TMEM163: variants seen among roughly 807,000 people sequenced by gnomAD.
TMEM163 encodes transmembrane protein 163.
A neutral mutation model predicts 29.3 loss-of-function variants in TMEM163; 17 were observed. That is an observed-to-expected ratio of 0.58 (90% CI 0.40 to 0.87). The LOEUF (loss-of-function observed/expected upper bound fraction) is 0.87, where lower values mean the gene tolerates loss of function less well. Ranked by LOEUF, TMEM163 falls within the 40% of genes least tolerant of loss-of-function variation. The pLI is 0.00. For synonymous variants in TMEM163, 157 were observed against 160.6 expected (o/e 0.98, Z 0.17); for missense variants, 303 against 381.5 (o/e 0.79, Z 1.71).
chr2:134,716,154 C>T (rs1685033742), intron 1 of TMEM163, among the ~76,000 whole-genome samples: 1 of 152,128 alleles, frequency 6.6e-6, no homozygotes, highest in African/African-American at 2.4e-5. Context: ...CTAAGCTGGG[C>T]CCTAAGGTTA....
At chr2:134,491,866 C>T (rs570947911) in intron 5 of TMEM163, among the ~76,000 whole-genome samples, 2 of 152,278 alleles carry the variant, frequency 1.3e-5, no homozygotes, top group African/African-American at 4.8e-5. Flanking sequence ...GAAAAGAGGA[C>T]CAATCAGAGA....
chr2:134,537,943 A>AC (rs1680577282), intron 4 of TMEM163, among the ~76,000 whole-genome samples: 1 of 152,230 alleles, frequency 6.6e-6, no homozygotes, highest in South Asian at 2.1e-4. Flanking sequence ...AATGGCTGGA[A>AC]CCAAAAAGAC....
chr2:134,502,207 T>C (rs1463753964), intron 5 of TMEM163, among the ~76,000 whole-genome samples: 1 of 152,232 alleles, frequency 6.6e-6, no homozygotes, highest in Non-Finnish European at 1.5e-5. Flanking sequence ...AGATTTTGCA[T>C]TCAAATTTCC....
At chr2:134,513,861 G>C (rs113543990) in intron 4 of TMEM163, among the ~76,000 whole-genome samples, 1 of 152,232 alleles carries the variant, frequency 6.6e-6, no homozygotes, top group South Asian at 2.1e-4. Flanking sequence ...TGAAAGCCAA[G>C]ATGATTCGTC....
At chr2:134,508,185 A>G (rs1192979929) in intron 4 of TMEM163, among the ~76,000 whole-genome samples, 5 of 152,186 alleles carry the variant, frequency 3.3e-5, no homozygotes, top group African/African-American at 9.7e-5. Flanking sequence ...TAGCCTACCA[A>G]TTCTAGGTTA....
rs149704413 is a variant in TMEM163, at chr2:134,625,354, C to T, written c.323-73263G>A. On this transcript the variant is annotated intron_variant, in intron 2 of 7. Transcript: ENST00000281924. ...TAAACAAAAGAGTATGTCCCCTAAC[C>T]CCACCACCTAGTCAGCCACTGGCCT... is the stretch of plus-strand genomic sequence containing the variant. Among the ~76,000 whole-genome samples, 1,413 of 152,038 alleles carry T rather than the reference C, an allele frequency of 9.3e-3. 29 individuals carry two copies. The highest frequency in any genetic ancestry group is 0.032 in the African/African-American group (1,319 of 41,316).
intron 2 of TMEM163, among the ~76,000 whole-genome samples, chr2:134,553,909 G>A (rs910088798): frequency 2.6e-5 from 4 of 152,134 alleles, no homozygotes; most frequent in African/African-American, 4.8e-5. Context: ...GCACCGAGGC[G>A]GCCTATAAAA....
intron 2 of TMEM163, among the ~76,000 whole-genome samples, chr2:134,656,091 T>C (rs4328685): frequency 0.52 from 70,292 of 136,160 alleles, 21,347 homozygotes; most frequent in Non-Finnish European, 0.58. Context: ...TCGAGCTTCC[T>C]GGCTGCTTTG....
Position 134,570,131 on chromosome 2 carries a change from G to A in TMEM163, c.323-18040C>T, listed in dbSNP as rs141892082. On this transcript the variant is annotated intron_variant, in intron 2 of 7. Coordinates refer to ENST00000281924, the MANE Select transcript of TMEM163 (RefSeq NM_030923.5). ...GTATGCTGTAAAGTGCTTCCTTTAA[G>A]TGAAAAGGTGAAAGTTGTTAATAAG... Among the ~76,000 whole-genome samples, 13 of 152,064 alleles carry A rather than the reference G, an allele frequency of 8.5e-5. No homozygotes were observed. The East Asian group carries it at 2.5e-3, about 29-fold the overall frequency.
intron 4 of TMEM163, among the ~76,000 whole-genome samples, chr2:134,546,883 C>A (rs1442347749): frequency 6.6e-6 from 1 of 151,826 alleles, no homozygotes; most frequent in African/African-American, 2.4e-5. Flanking sequence ...TCACATGCTA[C>A]AAAAAAATGG....
chr2:134,695,550 A>G (rs1574345445), intron 2 of TMEM163, among the ~76,000 whole-genome samples: 2 of 152,274 alleles, frequency 1.3e-5, no homozygotes, highest in East Asian at 3.9e-4. Flanking sequence ...TTGAACTAGA[A>G]AGACATGAAA....
Position 134,718,948 on chromosome 2 carries a change from C to A in TMEM163, c.-13G>T, listed in dbSNP as rs1441597626. ...CGGCCGGCTCCATGGCGCGGGGCTGCGGATCCCGGCGGCGGCGACGACAAG... is the reference window on the plus strand; with the variant it reads ...CGGCCGGCTCCATGGCGCGGGGCTGAGGATCCCGGCGGCGGCGACGACAAG... On this transcript the variant is annotated 5_prime_UTR_variant, in exon 1 of 8. Transcript: ENST00000281924. 2 of 1,035,394 alleles carry A rather than the reference C, an allele frequency of 1.9e-6. No individual in the cohort carries two copies. The highest frequency in any genetic ancestry group is 2.3e-6 in the Non-Finnish European group (2 of 864,508). 64.1% of individuals were successfully genotyped at this position (1,035,394 alleles called of 1,614,324 possible).
intron 2 of TMEM163, among the ~76,000 whole-genome samples, chr2:134,669,269 C>A (rs1683939819): frequency 6.6e-6 from 1 of 152,216 alleles, no homozygotes; most frequent in Non-Finnish European, 1.5e-5. Flanking sequence ...CTACTTTGGG[C>A]ACGAGGTCCC....
intron 2 of TMEM163, among the ~76,000 whole-genome samples, chr2:134,573,207 T>C (rs1275751099): frequency 1.3e-5 from 2 of 152,192 alleles, no homozygotes; most frequent in African/African-American, 4.8e-5. Flanking sequence ...AGAAGAGCAG[T>C]CATTTCTCTC....
chr2:134,550,514 C>G, intron 4 of TMEM163, 56 bp downstream of exon 4: 1 of 1,537,424 alleles, frequency 6.5e-7, no homozygotes, highest in Non-Finnish European at 9.0e-7. Flanking sequence ...GGCCTCATTC[C>G]GTGGCCTTCA....
chr2:134,456,660 C>G lies in TMEM163; in HGVS notation c.*56G>C. ...AGATGTTCAGTTAAATATTGGCACC[C>G]TTTGCCTATGTGGAAACTCCTCATC... On this transcript the variant is annotated 3_prime_UTR_variant, in exon 8 of 8. Transcript: ENST00000281924. The G allele has an allele frequency of 6.3e-7, 1 of 1,591,514 alleles. No homozygotes were observed. The highest frequency in any genetic ancestry group is 1.1e-5 in the South Asian group (1 of 89,230).
chr2:134,662,126 G>A lies in TMEM163; in HGVS notation c.322+51074C>T, dbSNP rs188169464. On this transcript the variant is annotated intron_variant, in intron 2 of 7. Coordinates refer to ENST00000281924, the MANE Select transcript of TMEM163 (RefSeq NM_030923.5). ...AATTTTTTGTATTTTTAGTAGAGTC[G>A]GGGTTTCACCGTGTTAGCCAGGATG... Among the ~76,000 whole-genome samples the A allele has an allele frequency of 5.1e-3, 766 of 151,468 alleles. 7 individuals are homozygous for A. Among genetic ancestry groups the A allele is most frequent in the African/African-American group, 0.018 (724 of 41,298 alleles).
intron 6 of TMEM163, 28 bp from the exon 7 acceptor site, chr2:134,458,201 T>C (rs1226372488): frequency 6.2e-7 from 1 of 1,613,016 alleles, no homozygotes; most frequent in Admixed American, 1.7e-5. Flanking sequence ...AGAGGCTAGA[T>C]GGCAGTGCCA....
At chr2:134,575,196 C>G (rs1319874994) in intron 2 of TMEM163, among the ~76,000 whole-genome samples, 1 of 152,118 alleles carries the variant, frequency 6.6e-6, no homozygotes, top group Non-Finnish European at 1.5e-5. Flanking sequence ...TAAGTGACCA[C>G]AAACCACAGG....
Sources: gnomAD v4.1 joint callset for allele counts (sites outside exome capture counted in the v4.1 genomes callset) on GRCh38, gnomAD v4.1.1 for gene constraint, MANE v1.5 for transcripts, NCBI Gene and HGNC (gene_info 2026-07-23, HGNC 2026-07-21) for gene names.